Variants in ERBB4 observed in about 807,000 individuals in gnomAD.
The protein encoded by ERBB4 is erb-b2 receptor tyrosine kinase 4.
ERBB4 carries 42 observed loss-of-function variants against 158.0 expected under a neutral mutation model. That is an observed-to-expected ratio of 0.27 (90% CI 0.21 to 0.34). The LOEUF is 0.34. Ranked by LOEUF, ERBB4 falls within the 10% of genes least tolerant of loss-of-function variation. The probability of loss-of-function intolerance (pLI) is 1.00; values close to 1 mark genes in which losing one functional copy is unlikely to be tolerated. For missense variants in ERBB4, 1,333 were observed against 1,624.1 expected (o/e 0.82, Z 3.08); for synonymous variants, 583 against 558.7 (o/e 1.04, Z -0.61).
intron 3 of ERBB4, among the ~76,000 whole-genome samples, chr2:211,901,790 G>A (rs2125033563): frequency 6.6e-6 from 1 of 152,140 alleles, no homozygotes; most frequent in African/African-American, 2.4e-5. Context: ...AGTTAAAAAT[G>A]GCACTTGATG....
At chr2:211,605,147 G>C (rs1262422771) in intron 19 of ERBB4, among the ~76,000 whole-genome samples, 1 of 151,966 alleles carries the variant, frequency 6.6e-6, no homozygotes, top group African/African-American at 2.4e-5. Flanking sequence ...TTCTCTTTTT[G>C]TTCCTCTGAT....
chr2:212,264,071 T>C (rs150664148), intron 1 of ERBB4, among the ~76,000 whole-genome samples: 337 of 152,266 alleles, frequency 2.2e-3, no homozygotes, highest in African/African-American at 6.5e-3. Flanking sequence ...TATATGCTTA[T>C]TGCCTTGGTT....
intron 3 of ERBB4, among the ~76,000 whole-genome samples, chr2:211,806,852 CA>C (rs142703261): frequency 0.049 from 7,491 of 152,064 alleles, 259 homozygotes; most frequent in Non-Finnish European, 0.062. Flanking sequence ...GTAAAAATCA[CA>C]ATAATGTAAG....
intron 20 of ERBB4, among the ~76,000 whole-genome samples, chr2:211,522,015 C>T (rs1210378349): frequency 1.3e-5 from 2 of 152,112 alleles, no homozygotes; most frequent in East Asian, 1.9e-4. Context: ...GTTTTTATGC[C>T]TGCTAATACA....
intron 3 of ERBB4, among the ~76,000 whole-genome samples, chr2:211,892,254 T>A (rs1575329407): frequency 1.3e-5 from 1 of 77,860 alleles, no homozygotes; most frequent in South Asian, 4.6e-4. Flanking sequence ...TGGTTCAATA[T>A]ACGCAAATCA....
chr2:211,566,243 G>A (rs570479631), intron 19 of ERBB4, among the ~76,000 whole-genome samples: 84 of 151,936 alleles, frequency 5.5e-4, no homozygotes, highest in Admixed American at 3.9e-4. Flanking sequence ...ATCAGTCAGC[G>A]GTAACAGGAG....
chr2:212,184,433 A>G (rs1168244948), intron 1 of ERBB4, among the ~76,000 whole-genome samples: 1 of 152,086 alleles, frequency 6.6e-6, no homozygotes, highest in Non-Finnish European at 1.5e-5. Flanking sequence ...ATTTTGTTTT[A>G]GGGTCATTTA....
chr2:211,974,242 T>TA (rs1197684354), intron 2 of ERBB4, among the ~76,000 whole-genome samples: 3 of 152,210 alleles, frequency 2.0e-5, no homozygotes, highest in South Asian at 4.1e-4. Flanking sequence ...GCTTTTTTTT[T>TA]AAATCATAAA....
intron 2 of ERBB4, among the ~76,000 whole-genome samples, chr2:211,977,953 T>C (rs999957862): frequency 6.6e-6 from 1 of 151,236 alleles, no homozygotes. Context: ...ATTTAGGCTA[T>C]TTCAAACATG....
chr2:211,477,311 CTT>C (rs1491173583), intron 20 of ERBB4, among the ~76,000 whole-genome samples: 1 of 144,862 alleles, frequency 6.9e-6, no homozygotes, highest in African/African-American at 2.9e-5. Flanking sequence ...CTCTCTCTCT[CTT>C]TCTCTCTCTC....
intron 16 of ERBB4, among the ~76,000 whole-genome samples, chr2:211,643,624 G>C (rs1022286467): frequency 2.0e-5 from 3 of 151,966 alleles, no homozygotes; most frequent in African/African-American, 2.4e-5. Flanking sequence ...TGAAGTCAAT[G>C]GCCCTTTCCT....
At chr2:211,545,291 C>A (rs141598824) in intron 20 of ERBB4, among the ~76,000 whole-genome samples, 2 of 152,074 alleles carry the variant, frequency 1.3e-5, no homozygotes, top group Non-Finnish European at 2.9e-5. Context: ...AAATTGAGTG[C>A]ACCCATGTAA....
chr2:211,632,575 G>A (rs569735487), intron 16 of ERBB4, among the ~76,000 whole-genome samples: 1 of 151,962 alleles, frequency 6.6e-6, no homozygotes, highest in Admixed American at 6.6e-5. Context: ...AAACGTCAAT[G>A]TCACTGTATA....
chr2:212,486,800 C>A lies in ERBB4; in HGVS notation c.82+51649G>T, dbSNP rs141813125. On this transcript the variant is annotated intron_variant, in intron 1 of 27. Coordinates refer to ENST00000342788, the MANE Select transcript of ERBB4 (RefSeq NM_005235.3). ...AGGACCACAGTTACCTTGTAAGCAG[C>A]AATTTGGTTTCAGAAAAATAACACT... 9.1e-3 allele frequency among the ~76,000 whole-genome samples: 1,387 copies of A among 152,180 alleles called. 18 individuals are homozygous for A. The highest frequency in any genetic ancestry group is 0.032 in the African/African-American group (1,311 of 41,508).
chr2:212,537,150 C>CGGCGGCGGCGGCGGCGGCGGCGGCGGG (rs576146218), intron 1 of ERBB4, among the ~76,000 whole-genome samples: 12 of 151,094 alleles, frequency 7.9e-5, no homozygotes, highest in Admixed American at 2.0e-4. Context: ...GCGGCGGCGG[C>CGGCGGCGGCGGCGGCGGCGGCGGCGGG]GGCGGAGCGG....
chr2:212,290,370 G>C (rs2086161314), intron 1 of ERBB4, among the ~76,000 whole-genome samples: 1 of 152,110 alleles, frequency 6.6e-6, no homozygotes, highest in African/African-American at 2.4e-5. Flanking sequence ...ATATATATAT[G>C]AAGTAGTCTT....
chr2:211,834,861 C>G (rs2077305396), intron 3 of ERBB4, among the ~76,000 whole-genome samples: 1 of 152,030 alleles, frequency 6.6e-6, no homozygotes, highest in African/African-American at 2.4e-5. Flanking sequence ...AGATGCTGGC[C>G]TGTAAGGAGA....
At chr2:211,847,938 T>C (rs2077629268) in intron 3 of ERBB4, among the ~76,000 whole-genome samples, 1 of 152,092 alleles carries the variant, frequency 6.6e-6, no homozygotes, top group Non-Finnish European at 1.5e-5. Flanking sequence ...TTGTTGCAGA[T>C]AAGAAAACTA....
chr2:212,461,235 C>T (rs1688556983), intron 1 of ERBB4, among the ~76,000 whole-genome samples: 1 of 152,150 alleles, frequency 6.6e-6, no homozygotes, highest in Non-Finnish European at 1.5e-5. Context: ...CGGCTTGCAC[C>T]ATGTGCCTGG....
Sources: allele counts gnomAD v4.1 joint callset (sites outside exome capture counted in the v4.1 genomes callset), GRCh38; gene constraint gnomAD v4.1.1; transcripts MANE v1.5; gene names NCBI Gene and HGNC (gene_info 2026-07-23, HGNC 2026-07-21).